The following HMCN2 variants were observed in gnomAD, a reference collection of about 807,000 sequenced individuals.
HMCN2 encodes hemicentin-2.
A neutral mutation model predicts 377.5 loss-of-function variants in HMCN2; 325 were observed. That is an observed-to-expected ratio of 0.86 (90% CI 0.79 to 0.94). The LOEUF is 0.94. HMCN2 is among the 40% of genes least tolerant of loss of function. The pLI is 0.00. For synonymous variants in HMCN2, 2,007 were observed against 2,046.8 expected (o/e 0.98, Z 0.53); for missense variants, 4,543 against 4,725.3 (o/e 0.96, Z 1.13).
chr9:130,277,694 T>TCAC (rs1210119993), intron 1 of HMCN2, among the ~76,000 whole-genome samples: 3 of 149,038 alleles, frequency 2.0e-5, no homozygotes, highest in Non-Finnish European at 3.0e-5. Flanking sequence ...ACCATCATCA[T>TCAC]CACCACCACC....
chr9:130,432,363 C>A lies in HMCN2; in HGVS notation c.14768-66C>A, dbSNP rs7847032. On this transcript the variant is annotated intron_variant, in intron 96 of 97. Transcript: ENST00000683500. ...CCCCAAAGGTACTTCTCCCCACGCACTCCCCCCTTCTCCTTTGCTCCATCT... is the reference window on the plus strand; with the variant it reads ...CCCCAAAGGTACTTCTCCCCACGCAATCCCCCCTTCTCCTTTGCTCCATCT... 2.6e-4 allele frequency: 380 copies of A among 1,486,858 alleles called. No individual in the cohort carries two copies. The African/African-American group carries it at 4.7e-3, about 18-fold the overall frequency. 92.1% of individuals were successfully genotyped at this position (1,486,858 alleles called of 1,614,324 possible). A position where few individuals can be genotyped will look rare whatever the true frequency, so the allele number is the denominator to read the frequency against.
chr9:130,402,990 C>A, intron 78 of HMCN2, 94 bp downstream of exon 78: 1 of 1,082,452 alleles, frequency 9.2e-7, no homozygotes, highest in Non-Finnish European at 1.2e-6. Flanking sequence ...AGGTGAGGCC[C>A]CGGGTCTCAG....
rs976374265 is a variant in HMCN2 at position 130,392,123 on chromosome 9, G to A, written c.10136+5G>A. ...CGGCTCTGGCCACACCCTCAGGTAG[G>A]GGAGACGGTGGACAGGCCTTGGCTA... On this transcript the variant is annotated splice_donor_5th_base_variant and intron_variant, in intron 66 of 97. Coordinates refer to ENST00000683500, the MANE Select transcript of HMCN2 (RefSeq NM_001291815.2). The A allele has an allele frequency of 3.0e-6, 3 of 988,028 alleles. No individual in the cohort carries two copies. The highest frequency in any genetic ancestry group is 9.4e-5 in the South Asian group (2 of 21,384). The allele number at this position is 988,028 out of a possible 1,614,324, so 61.2% of individuals were successfully genotyped here. A position where few individuals can be genotyped will look rare whatever the true frequency, so the allele number is the denominator to read the frequency against.
chr9:130,419,035 G>A lies in HMCN2; in HGVS notation c.13225G>A (p.Val4409Met), dbSNP rs1226263039. Reference protein sequence around the residue: ...GSATARAFLVVRGEPQGSWGS... With the variant: ...GSATARAFLVMRGEPQGSWGS... ...TGCCACAGCCCGGGCGTTCCTGGTC[G>A]TGAGAGGTATGGGGCATCCCTGTCT... Residue 4409 changes from valine (V) to methionine (M), a missense_variant, in exon 86 of 98, where the codon GTG (valine) becomes ATG (methionine). Physicochemically the swap from Val to Met is conservative, Grantham distance 21. Around this residue, in one of 5 missense-constraint regions of HMCN2, gnomAD observed 1,155 missense variants for 1,157.7 expected, o/e 1.00. Coordinates refer to ENST00000683500, the MANE Select transcript of HMCN2 (RefSeq NM_001291815.2). 1.4e-5 allele frequency: 21 copies of A among 1,489,830 alleles called. No individual in the cohort carries two copies. Among genetic ancestry groups the A allele is most frequent in the East Asian group, 5.0e-5 (2 of 40,240 alleles). 92.3% of individuals were successfully genotyped at this position (1,489,830 alleles called of 1,614,324 possible). A position where few individuals can be genotyped will look rare whatever the true frequency, so the allele number is the denominator to read the frequency against.
intron 79 of HMCN2, 149 bp from the exon 80 acceptor site, chr9:130,403,592 G>C (rs13285535): frequency 0.015 from 14,016 of 925,580 alleles, 315 homozygotes; most frequent in African/African-American, 0.073. Context: ...TGGGCTCAGG[G>C]TCAGGCTTCT....
At chr9:130,413,574 G>A (rs1843530258) in intron 85 of HMCN2, among the ~76,000 whole-genome samples, 1 of 152,136 alleles carries the variant, frequency 6.6e-6, no homozygotes, top group East Asian at 1.9e-4. Context: ...AAGAGCCTCT[G>A]AAAAGTAGAG....
At chr9:130,313,297 A>G (rs957399833) in intron 15 of HMCN2, among the ~76,000 whole-genome samples, 2 of 151,614 alleles carry the variant, frequency 1.3e-5, no homozygotes, top group Admixed American at 1.3e-4. Flanking sequence ...GCTTCCTGGT[A>G]GTGTCTGGGG....
intron 3 of HMCN2, 25 bp downstream of exon 3, chr9:130,285,341 C>T (rs1554927310): frequency 2.1e-6 from 1 of 470,088 alleles, no homozygotes; most frequent in Admixed American, 2.3e-5. Flanking sequence ...TGTGGGGGCC[C>T]AAAGTGGGGT....
At chr9:130,416,112 T>A (rs1270305948) in intron 85 of HMCN2, among the ~76,000 whole-genome samples, 4 of 149,454 alleles carry the variant, frequency 2.7e-5, no homozygotes, top group African/African-American at 7.4e-5. Context: ...TTTTTTTTTT[T>A]TTTTTTTTTG....
In HMCN2 at chr9:130,425,780, C is replaced by T. The variant is rs939740584; in HGVS notation, c.13735C>T (p.Arg4579Cys). The T allele has an allele frequency of 3.7e-5, 58 of 1,550,494 alleles. No individual in the cohort carries two copies. Among genetic ancestry groups the T allele is most frequent in the Middle Eastern group, 1.7e-4 (1 of 6,014 alleles). The change falls in exon 90 of 98, where the codon CGC becomes TGC. Residue 4579 changes from arginine (R) to cysteine (C), a missense_variant. Coordinates refer to ENST00000683500, the MANE Select transcript of HMCN2 (RefSeq NM_001291815.2). ...FFQGGLPSFLRCNHSIQYNAA... is the reference protein window; with the variant it reads ...FFQGGLPSFLCCNHSIQYNAA... ...CCAGGGCGGCCTCCCCTCGTTCCTA[C>T]GCTGCAACCACAGCATCCAGTACAA...
chr9:130,374,988 C>T (rs1588340006), intron 49 of HMCN2, among the ~76,000 whole-genome samples: 1 of 152,266 alleles, frequency 6.6e-6, no homozygotes, highest in East Asian at 1.9e-4. Context: ...TATTGCCAGG[C>T]CCCAGGGTGG....
chr9:130,357,740 C>A, intron 34 of HMCN2, 94 bp from the exon 35 acceptor site: 2 of 1,004,030 alleles, frequency 2.0e-6, no homozygotes, highest in Middle Eastern at 2.6e-4. Context: ...TTCAAGGGCA[C>A]CTTCTCACCC....
intron 71 of HMCN2, 125 bp downstream of exon 71, chr9:130,395,472 G>T (rs921043887): frequency 7.5e-6 from 6 of 803,898 alleles, no homozygotes; most frequent in Non-Finnish European, 1.0e-5. Context: ...TTTGCACCCT[G>T]TTCCCCGGGT....
intron 33 of HMCN2, 42 bp downstream of exon 33, chr9:130,355,896 A>G (rs1180110215): frequency 8.5e-7 from 1 of 1,180,714 alleles, no homozygotes; most frequent in Non-Finnish European, 1.1e-6. Context: ...GGGTAGGCAG[A>G]GAGCGTGTGC....
intron 1 of HMCN2, among the ~76,000 whole-genome samples, chr9:130,271,547 G>A (rs868947941): frequency 2.0e-5 from 3 of 149,104 alleles, no homozygotes; most frequent in Admixed American, 6.7e-5. Context: ...GTTGGTTTCT[G>A]TGTCCCTTGG....
At chr9:130,291,561 G>A (rs1835768622) in intron 4 of HMCN2, among the ~76,000 whole-genome samples, 1 of 152,138 alleles carries the variant, frequency 6.6e-6, no homozygotes, top group African/African-American at 2.4e-5. Flanking sequence ...TTACTATGAA[G>A]AATTTCCAAG....
intron 26 of HMCN2, 177 bp from the exon 27 acceptor site, chr9:130,348,368 G>C (rs1839503470): frequency 1.1e-6 from 1 of 890,870 alleles, no homozygotes; most frequent in Non-Finnish European, 1.3e-6. Context: ...GGGTCCCAGG[G>C]CAAGGCTGCT....
Position 130,406,071 on chromosome 9 carries a change from C to T in HMCN2, c.12456C>T (p.Arg4152=). The part of the protein sequence containing the change: ...LPVFTTLPGD[R]SLRLGDRLWL... ...TGTTCACCACCCTGCCTGGGGACCG[C>T]AGCCTGCGCCTTGGGGACAGGCTGT... The change falls in exon 82 of 98, where the codon CGC becomes CGT. Residue 4152 remains arginine, a synonymous_variant. Transcript: ENST00000683500. 2 of 1,289,864 alleles carry T rather than the reference C, an allele frequency of 1.6e-6. No homozygotes were observed. Among genetic ancestry groups the T allele is most frequent in the Non-Finnish European group, 2.0e-6 (2 of 988,886 alleles). The allele number at this position is 1,289,864 out of a possible 1,614,324, so 79.9% of individuals were successfully genotyped here.
chr9:130,388,470 G>C lies in HMCN2; in HGVS notation c.9453G>C (p.Leu3151=). The change falls in exon 62 of 98, where the codon CTG becomes CTC. Residue 3151 remains leucine (L), a synonymous_variant. Coordinates refer to ENST00000683500, the MANE Select transcript of HMCN2 (RefSeq NM_001291815.2). ...ETVSQVAGSP[L]VLTCDVSGVP... ...TGAGCCAGGTGGCTGGGAGCCCCCT[G>C]GTCCTGACCTGTGATGTGTCCGGGG... The C allele has an allele frequency of 1.0e-6, 1 of 987,992 alleles. No individual in the cohort carries two copies. Among genetic ancestry groups the C allele is most frequent in the Non-Finnish European group, 1.2e-6 (1 of 830,108 alleles). 61.2% of individuals were successfully genotyped at this position (987,992 alleles called of 1,614,324 possible).
Sources: gnomAD v4.1 joint callset for allele counts (sites outside exome capture counted in the v4.1 genomes callset) on GRCh38, gnomAD v4.1.1 for gene constraint, gnomAD v4.1.1 regional missense constraint, MANE v1.5 for transcripts, NCBI Gene and HGNC (gene_info 2026-07-23, HGNC 2026-07-21) for gene names.